Variants in ERC2 observed in about 807,000 individuals in gnomAD.
ERC2 encodes the protein ERC protein 2.
ERC2 carries 42 observed loss-of-function variants against 114.8 expected under a neutral mutation model. That is an observed-to-expected ratio of 0.37 (90% confidence interval 0.29 to 0.47). ERC2 has a LOEUF of 0.47. Among genes scored for constraint, ERC2 ranks in the 20% least tolerant of loss-of-function variants. ERC2 has a pLI of 0.99. For synonymous variants in ERC2, 454 were observed against 425.5 expected, an observed-to-expected ratio of 1.07 and a Z score of -0.82; for missense variants, 939 against 1,150.7, an observed-to-expected ratio of 0.82 and a Z score of 2.66.
intron 17 of ERC2, among the ~76,000 whole-genome samples, chr3:55,653,441 T>TATCA (rs1234999399): frequency 2.0e-5 from 3 of 152,124 alleles, no homozygotes; most frequent in Admixed American, 6.6e-5. Context: ...TATTATAATC[T>TATCA]ATCAAAAGAG....
intron 14 of ERC2, among the ~76,000 whole-genome samples, chr3:55,757,234 T>C (rs2067121960): frequency 6.6e-6 from 1 of 152,194 alleles, no homozygotes; most frequent in African/African-American, 2.4e-5. Context: ...TGAGCAACTC[T>C]GTAATATGTA....
chr3:55,818,713 G>A (rs2059997266), intron 14 of ERC2, among the ~76,000 whole-genome samples: 1 of 152,192 alleles, frequency 6.6e-6, no homozygotes, highest in Non-Finnish European at 1.5e-5. Context: ...CAAGGCAGCT[G>A]AAGCACTTAG....
intron 17 of ERC2, among the ~76,000 whole-genome samples, chr3:55,519,897 T>TA (rs1400821197): frequency 2.6e-5 from 4 of 151,284 alleles, no homozygotes; most frequent in African/African-American, 9.7e-5. Flanking sequence ...TTACAAGAAA[T>TA]ACAAAAAATT....
At chr3:56,170,463 G>A (rs1403205507) in intron 4 of ERC2, among the ~76,000 whole-genome samples, 4 of 152,112 alleles carry the variant, frequency 2.6e-5, no homozygotes, top group Non-Finnish European at 5.9e-5. Context: ...TGTCTTTTGC[G>A]AGTTTATGCA....
Position 55,887,812 on chromosome 3 carries a change from T to G in ERC2, c.2564+577A>C, listed in dbSNP as rs75555734. On this transcript the variant is annotated intron_variant, in intron 14 of 17. Transcript: ENST00000288221. ...TTGGTTCCAATCCAATCTCCCTGATTTAGCTTCCCAAGCCCCCACCTAGGT... is the reference window on the plus strand; with the variant it reads ...TTGGTTCCAATCCAATCTCCCTGATGTAGCTTCCCAAGCCCCCACCTAGGT... Among the ~76,000 whole-genome samples the G allele has an allele frequency of 6.3e-3, 960 of 152,302 alleles. 12 individuals are homozygous for G. Among genetic ancestry groups the G allele is most frequent in the African/African-American group, 0.022 (900 of 41,564 alleles).
chr3:56,466,224 C>T (rs558594876), intron 1 of ERC2, among the ~76,000 whole-genome samples: 42 of 152,302 alleles, frequency 2.8e-4, no homozygotes, highest in African/African-American at 9.6e-4. Flanking sequence ...TACATGAAAA[C>T]CATTCTAATC....
intron 6 of ERC2, among the ~76,000 whole-genome samples, chr3:56,098,208 C>T (rs76192453): frequency 0.026 from 4,005 of 152,260 alleles, 175 homozygotes; most frequent in African/African-American, 0.091. Flanking sequence ...AGCAAGTTTG[C>T]GCAAAGACAA....
At chr3:56,251,499 A>C (rs1466602312) in intron 3 of ERC2, among the ~76,000 whole-genome samples, 1 of 152,202 alleles carries the variant, frequency 6.6e-6, no homozygotes, top group African/African-American at 2.4e-5. Context: ...TCCAAAGAGA[A>C]ACCTGGCAAG....
intron 14 of ERC2, among the ~76,000 whole-genome samples, chr3:55,856,522 A>G (rs557654416): frequency 5.3e-5 from 8 of 152,234 alleles, no homozygotes; most frequent in Non-Finnish European, 8.8e-5. Flanking sequence ...AAACATATAT[A>G]TACACACACA....
chr3:55,809,718 G>T (rs2059641897), intron 14 of ERC2, among the ~76,000 whole-genome samples: 1 of 152,138 alleles, frequency 6.6e-6, no homozygotes, highest in Non-Finnish European at 1.5e-5. Flanking sequence ...AGTCCCCACT[G>T]GGCTTCCCTA....
At position 55,812,129 on chromosome 3, in the gene ERC2, G is replaced by C. The variant is rs377723727; in HGVS notation, c.2564+76260C>G. ...ATGTGGTGTTTGGTTTTCTGTTTCT[G>C]AGTTAGTTTGCTGAGGATAATAATT... On this transcript the variant is annotated intron_variant, in intron 14 of 17. Coordinates refer to ENST00000288221, the MANE Select transcript of ERC2 (RefSeq NM_015576.3). Among the ~76,000 whole-genome samples the C allele has an allele frequency of 2.6e-5, 4 of 152,292 alleles. No homozygotes were observed. In the South Asian group the frequency reaches 8.3e-4, roughly 32 times the overall value.
At chr3:55,517,709 G>C (rs766044214) in intron 17 of ERC2, among the ~76,000 whole-genome samples, 7 of 152,158 alleles carry the variant, frequency 4.6e-5, no homozygotes, top group Non-Finnish European at 8.8e-5. Context: ...AACCAGGCAC[G>C]AGTCGGCTGG....
chr3:55,526,712 G>A (rs1168361962), intron 17 of ERC2, among the ~76,000 whole-genome samples: 1 of 152,220 alleles, frequency 6.6e-6, no homozygotes, highest in African/African-American at 2.4e-5. Flanking sequence ...CCAAACAGTA[G>A]GCTCTGGCAG....
chr3:56,068,261 T>G (rs1049648163), intron 7 of ERC2, among the ~76,000 whole-genome samples: 1 of 152,204 alleles, frequency 6.6e-6, no homozygotes, highest in African/African-American at 2.4e-5. Context: ...CCTGGTTTAG[T>G]CTTGGGAAGG....
chr3:56,080,578 G>A (rs2077183724), intron 7 of ERC2, among the ~76,000 whole-genome samples: 1 of 152,064 alleles, frequency 6.6e-6, no homozygotes, highest in South Asian at 2.1e-4. Flanking sequence ...CTATGTTTAA[G>A]CTGCTGAATA....
intron 14 of ERC2, among the ~76,000 whole-genome samples, chr3:55,810,093 T>C (rs1220529950): frequency 6.6e-6 from 1 of 152,190 alleles, no homozygotes; most frequent in Non-Finnish European, 1.5e-5. Context: ...CTACTGTACA[T>C]TTTAAAAATC....
chr3:55,760,680 T>C (rs367992289), intron 14 of ERC2, among the ~76,000 whole-genome samples: 1 of 152,216 alleles, frequency 6.6e-6, no homozygotes, highest in African/African-American at 2.4e-5. Context: ...TCACTGAATC[T>C]GGCTTTCCAC....
At chr3:56,179,405 A>C (rs1306021359) in intron 3 of ERC2, among the ~76,000 whole-genome samples, 1 of 152,168 alleles carries the variant, frequency 6.6e-6, no homozygotes, top group Non-Finnish European at 1.5e-5. Context: ...GGTCTGAGCA[A>C]AGGCAAACCA....
intron 3 of ERC2, among the ~76,000 whole-genome samples, chr3:56,196,169 C>A (rs1272524972): frequency 6.6e-6 from 1 of 152,130 alleles, no homozygotes; most frequent in Non-Finnish European, 1.5e-5. Context: ...GCTGCTACAC[C>A]AGGGAAGATG....
Sources: gnomAD v4.1 joint callset for allele counts (sites outside exome capture counted in the v4.1 genomes callset) on GRCh38, gnomAD v4.1.1 for gene constraint, MANE v1.5 for transcripts, NCBI Gene and HGNC (gene_info 2026-07-23, HGNC 2026-07-21) for gene names.